Variants in RSU1 observed in about 807,000 individuals in gnomAD.
The protein encoded by RSU1 is Ras suppressor protein 1, also known as rsu-1.
A neutral mutation model predicts 31.1 loss-of-function variants in RSU1; 26 were observed. The ratio of observed to expected loss-of-function variants is 0.84; its 90% confidence interval spans 0.61 to 1.16. The LOEUF (loss-of-function observed/expected upper bound fraction) is 1.16, where lower values mean the gene tolerates loss of function less well. Among genes scored for constraint, RSU1 ranks in the 50% most tolerant of loss-of-function variants. The pLI is 0.00. For synonymous variants in RSU1, 164 were observed against 136.3 expected (o/e 1.20, Z -1.41); for missense variants, 320 against 339.1 (o/e 0.94, Z 0.44).
At chr10:16,728,679 T>C (rs892784619) in intron 7 of RSU1, among the ~76,000 whole-genome samples, 2 of 152,098 alleles carry the variant, frequency 1.3e-5, no homozygotes, top group Non-Finnish European at 1.5e-5. Context: ...AAGTGAAGGA[T>C]CTTGAGTTGG....
At chr10:16,710,666 A>AT (rs536116741) in intron 7 of RSU1, among the ~76,000 whole-genome samples, 2 of 151,636 alleles carry the variant, frequency 1.3e-5, no homozygotes, top group African/African-American at 2.4e-5. Flanking sequence ...TTTTTTTTAA[A>AT]TTTTTTTATT....
intron 8 of RSU1, among the ~76,000 whole-genome samples, chr10:16,616,121 C>T (rs1833971502): frequency 6.6e-6 from 1 of 151,834 alleles, no homozygotes; most frequent in South Asian, 2.1e-4. Flanking sequence ...AGACCACTAG[C>T]TAGACTAACA....
chr10:16,789,526 C>A (rs182552784), intron 2 of RSU1, among the ~76,000 whole-genome samples: 1 of 152,126 alleles, frequency 6.6e-6, no homozygotes, highest in African/African-American at 2.4e-5. Context: ...CCTTTCCACT[C>A]GGGAATGGTG....
chr10:16,628,881 A>G (rs560226115), intron 8 of RSU1, among the ~76,000 whole-genome samples: 2 of 152,248 alleles, frequency 1.3e-5, no homozygotes, highest in African/African-American at 4.8e-5. Flanking sequence ...CAACGGTGGG[A>G]AAAAAATTCT....
At chr10:16,703,189 C>T (rs778037630) in intron 7 of RSU1, among the ~76,000 whole-genome samples, 25 of 152,158 alleles carry the variant, frequency 1.6e-4, no homozygotes, top group African/African-American at 2.9e-4. Context: ...GCTTCCTATA[C>T]GCCATGCAGA....
At chr10:16,616,988 C>T (rs1412207453) in intron 8 of RSU1, among the ~76,000 whole-genome samples, 2 of 152,118 alleles carry the variant, frequency 1.3e-5, no homozygotes, top group Non-Finnish European at 2.9e-5. Flanking sequence ...AAGCTCTGGC[C>T]AGGGCAATCA....
At chr10:16,733,560 T>C (rs1207084104) in intron 7 of RSU1, among the ~76,000 whole-genome samples, 2 of 152,048 alleles carry the variant, frequency 1.3e-5, no homozygotes, top group African/African-American at 2.4e-5. Flanking sequence ...AAAGTGGTGT[T>C]TGCTATAGTT....
At chr10:16,600,981 C>T (rs1833707088) in intron 8 of RSU1, among the ~76,000 whole-genome samples, 1 of 152,148 alleles carries the variant, frequency 6.6e-6, no homozygotes, top group African/African-American at 2.4e-5. Context: ...CCCCGCGGAG[C>T]CATTCATTCT....
intron 7 of RSU1, among the ~76,000 whole-genome samples, chr10:16,727,900 C>T (rs993691791): frequency 2.0e-5 from 3 of 152,150 alleles, no homozygotes; most frequent in African/African-American, 4.8e-5. Context: ...GGAGGGAGAA[C>T]ACACGGATGA....
At chr10:16,605,220 G>A (rs9971302) in intron 8 of RSU1, among the ~76,000 whole-genome samples, 1 of 151,890 alleles carries the variant, frequency 6.6e-6, no homozygotes. Context: ...GTGAGTTCCC[G>A]AGCCAGGCCA....
intron 8 of RSU1, among the ~76,000 whole-genome samples, chr10:16,627,583 G>T (rs764295792): frequency 1.3e-5 from 2 of 151,870 alleles, no homozygotes; most frequent in Non-Finnish European, 2.9e-5. Flanking sequence ...GTGAAACCCT[G>T]TCTCTACTAA....
intron 8 of RSU1, among the ~76,000 whole-genome samples, chr10:16,594,631 GATA>G (rs922844673): frequency 7.1e-6 from 1 of 141,094 alleles, no homozygotes; most frequent in Non-Finnish European, 1.5e-5. Flanking sequence ...ATATATGATA[GATA>G]ATATGATATA....
intron 2 of RSU1, among the ~76,000 whole-genome samples, chr10:16,786,087 C>A (rs928994278): frequency 1.5e-4 from 23 of 152,146 alleles, no homozygotes; most frequent in African/African-American, 5.3e-4. Flanking sequence ...CTGGATGGCA[C>A]TAGTGTAAAG....
At chr10:16,713,836 A>G (rs1836070858) in intron 7 of RSU1, among the ~76,000 whole-genome samples, 1 of 152,120 alleles carries the variant, frequency 6.6e-6, no homozygotes, top group African/African-American at 2.4e-5. Context: ...AACTTTCATT[A>G]GGAGATAATT....
chr10:16,673,151 T>A (rs10752056), intron 8 of RSU1, among the ~76,000 whole-genome samples: 42,810 of 151,946 alleles, frequency 0.28, 6,207 homozygotes, highest in African/African-American at 0.34. Context: ...TTGACCCCAT[T>A]GAAATGCTTC....
At chr10:16,674,239 A>G (rs1835178266) in intron 8 of RSU1, among the ~76,000 whole-genome samples, 1 of 152,094 alleles carries the variant, frequency 6.6e-6, no homozygotes, top group East Asian at 1.9e-4. Flanking sequence ...AAGAGCGACT[A>G]GATTTGATGG....
intron 8 of RSU1, among the ~76,000 whole-genome samples, chr10:16,621,472 C>A (rs1193546743): frequency 6.6e-6 from 1 of 152,140 alleles, no homozygotes; most frequent in Non-Finnish European, 1.5e-5. Context: ...TCTATGTGTA[C>A]ACTGATGCAA....
rs372430392 is a variant in RSU1 at position 16,695,165 on chromosome 10, G to GA, written c.599-11_599-10insT. ...GTTAAATCCAAGTTTCCTGGGGGGG[G>GA]GGAAAAAAAAAGTGAAGGTCACTTC... On this transcript the variant is annotated splice_polypyrimidine_tract_variant and intron_variant, in intron 7 of 8. Transcript: ENST00000345264. 2 of 1,430,940 alleles carry GA rather than the reference G, an allele frequency of 1.4e-6. No individual in the cohort carries two copies. Among genetic ancestry groups the GA allele is most frequent in the Non-Finnish European group, 9.4e-7 (1 of 1,068,454 alleles). 88.6% of individuals were successfully genotyped at this position (1,430,940 alleles called of 1,614,324 possible).
intron 8 of RSU1, among the ~76,000 whole-genome samples, chr10:16,608,221 G>A (rs1283431942): frequency 6.6e-6 from 1 of 152,200 alleles, no homozygotes; most frequent in African/African-American, 2.4e-5. Context: ...TCCACTTATG[G>A]AGCAGACCAG....
Sources: allele counts gnomAD v4.1 joint callset (sites outside exome capture counted in the v4.1 genomes callset), GRCh38; gene constraint gnomAD v4.1.1; transcripts MANE v1.5; gene names NCBI Gene and HGNC (gene_info 2026-07-23, HGNC 2026-07-21).